SGCZ: variants seen among roughly 807,000 people sequenced by gnomAD.
The protein encoded by SGCZ is sarcoglycan zeta, also known as zeta-sarcoglycan.
SGCZ carries 40 observed loss-of-function variants against 41.3 expected under a neutral mutation model. The observed-to-expected ratio is 0.97, with a 90% CI of 0.75 to 1.26. The LOEUF is 1.26. Among genes scored for constraint, SGCZ ranks in the 50% most tolerant of loss-of-function variants. The probability of loss-of-function intolerance (pLI) is 0.00; values close to 1 mark genes in which losing one functional copy is unlikely to be tolerated. For missense variants in SGCZ, 552 were observed against 369.8 expected (o/e 1.49, Z -4.04); for synonymous variants, 206 against 137.5 (o/e 1.50, Z -3.49).
intron 2 of SGCZ, among the ~76,000 whole-genome samples, chr8:14,471,803 A>G (rs917506226): frequency 6.6e-6 from 1 of 152,132 alleles, no homozygotes; most frequent in Non-Finnish European, 1.5e-5. Flanking sequence ...ATATCTGCCA[A>G]TAATTGCTAT....
chr8:14,975,235 G>A lies in SGCZ; in HGVS notation c.39+262350C>T, dbSNP rs1210202084. ...GCAGGAGAATCATTTGAACCCGGGAGGCAGAAGTTGCAGTGAGCCAAGATC... is the reference window on the plus strand; with the variant it reads ...GCAGGAGAATCATTTGAACCCGGGAAGCAGAAGTTGCAGTGAGCCAAGATC... On this transcript the variant is annotated intron_variant, in intron 1 of 7. Transcript: ENST00000382080. Among the ~76,000 whole-genome samples, 3 of 152,244 alleles carry A rather than the reference G, an allele frequency of 2.0e-5. No individual in the cohort carries two copies. In the East Asian group the frequency reaches 5.8e-4, roughly 29 times the overall value.
intron 1 of SGCZ, among the ~76,000 whole-genome samples, chr8:14,618,000 T>C (rs1806161284): frequency 6.6e-6 from 1 of 152,034 alleles, no homozygotes; most frequent in Non-Finnish European, 1.5e-5. Context: ...TCCAGAGACC[T>C]CTTTGAGTTT....
intron 2 of SGCZ, among the ~76,000 whole-genome samples, chr8:14,341,977 GAA>G (rs1348389394): frequency 6.6e-6 from 1 of 152,152 alleles, no homozygotes; most frequent in African/African-American, 2.4e-5. Flanking sequence ...TGGTGTTGTT[GAA>G]AAGATACCCT....
chr8:14,701,683 T>C (rs1346182569), intron 1 of SGCZ, among the ~76,000 whole-genome samples: 2 of 152,050 alleles, frequency 1.3e-5, no homozygotes, highest in African/African-American at 2.4e-5. Context: ...TCTTGTTCTG[T>C]GTCCCACTGA....
At chr8:14,191,287 GC>G (rs56882516) in intron 4 of SGCZ, among the ~76,000 whole-genome samples, 2,087 of 152,036 alleles carry the variant, frequency 0.014, 63 homozygotes, top group African/African-American at 0.048. Context: ...TCCATATGCT[GC>G]CTTTTCATTT....
intron 1 of SGCZ, among the ~76,000 whole-genome samples, chr8:15,184,630 C>A (rs1180221760): frequency 6.6e-6 from 1 of 152,088 alleles, no homozygotes; most frequent in Non-Finnish European, 1.5e-5. Context: ...CAGCAGGAAA[C>A]TGAGAGGTGA....
chr8:14,448,036 A>G (rs73188379), intron 2 of SGCZ, among the ~76,000 whole-genome samples: 1,694 of 152,278 alleles, frequency 0.011, 24 homozygotes, highest in East Asian at 0.074. Context: ...GGGTGAAAAA[A>G]TGATACAAAT....
intron 2 of SGCZ, among the ~76,000 whole-genome samples, chr8:14,472,249 G>T (rs1801233001): frequency 6.6e-6 from 1 of 151,906 alleles, no homozygotes; most frequent in East Asian, 1.9e-4. Flanking sequence ...CATGAATCTT[G>T]TTTAATATCT....
chr8:14,707,033 T>TA (rs1039417255), intron 1 of SGCZ, among the ~76,000 whole-genome samples: 1 of 151,784 alleles, frequency 6.6e-6, no homozygotes, highest in African/African-American at 2.4e-5. Context: ...ATCTTTTTTT[T>TA]AAAATTTTAT....
Position 15,177,439 on chromosome 8 carries a change from T to C in SGCZ, c.39+60146A>G, listed in dbSNP as rs17655988. 6.8e-3 allele frequency among the ~76,000 whole-genome samples: 1,037 copies of C among 152,306 alleles called. 34 individuals are homozygous for C. The East Asian group carries it at 0.097, about 14-fold the overall frequency. On this transcript the variant is annotated intron_variant, in intron 1 of 7. Transcript: ENST00000382080. ...CCAAGTATTCAGCAATTTTCCAGAATTAGTGCTATTCTATCTGTAAATGTT... is the reference window on the plus strand; with the variant it reads ...CCAAGTATTCAGCAATTTTCCAGAACTAGTGCTATTCTATCTGTAAATGTT...
chr8:14,307,960 G>C (rs573074452), intron 3 of SGCZ, among the ~76,000 whole-genome samples: 2 of 152,104 alleles, frequency 1.3e-5, no homozygotes, highest in African/African-American at 2.4e-5. Context: ...TACCTTTTAG[G>C]GGGTGAAGAC....
chr8:14,910,334 C>G (rs1156974158), intron 1 of SGCZ, among the ~76,000 whole-genome samples: 1 of 151,992 alleles, frequency 6.6e-6, no homozygotes, highest in Non-Finnish European at 1.5e-5. Context: ...TTAAACATCT[C>G]TCACAGTACC....
rs568880278 is a variant in SGCZ, at chr8:14,518,371, G to A, written c.234+36361C>T. Among the ~76,000 whole-genome samples, 11 of 152,116 alleles carry A rather than the reference G, an allele frequency of 7.2e-5. No individual in the cohort carries two copies. The East Asian group carries it at 1.4e-3, about 19-fold the overall frequency. On this transcript the variant is annotated intron_variant, in intron 2 of 7. Transcript: ENST00000382080. ...GTATGTGTGTATACATACACTACAC[G>A]TATAAAATAAATATTACACATGGAA...
At chr8:14,275,229 C>A (rs1239700610) in intron 3 of SGCZ, among the ~76,000 whole-genome samples, 2 of 152,148 alleles carry the variant, frequency 1.3e-5, no homozygotes, top group Non-Finnish European at 2.9e-5. Flanking sequence ...GAAATGTAAA[C>A]CCATAAGCCT....
At chr8:14,143,085 G>C (rs528160153) in intron 5 of SGCZ, among the ~76,000 whole-genome samples, 3 of 150,976 alleles carry the variant, frequency 2.0e-5, no homozygotes, top group East Asian at 3.9e-4. Flanking sequence ...AATTGATGCA[G>C]AATAGCATTT....
In SGCZ at chr8:14,819,692, GATAA is replaced by G; in HGVS notation, c.40-264770_40-264767del. On this transcript the variant is annotated intron_variant, in intron 1 of 7. Transcript: ENST00000382080. ...AGTAGTGGCTAAGGAACACACAACA[GATAA>G]ATAAGTAAATTAGAGCAACAAAAAT... Among the ~76,000 whole-genome samples the G allele has an allele frequency of 2.0e-5, 3 of 152,184 alleles. No homozygotes were observed. In the East Asian group the frequency reaches 5.8e-4, roughly 29 times the overall value.
At chr8:14,211,359 G>A (rs1483838053) in intron 4 of SGCZ, among the ~76,000 whole-genome samples, 13 of 152,108 alleles carry the variant, frequency 8.5e-5, no homozygotes, top group Admixed American at 6.5e-4. Context: ...GCACCCAGGC[G>A]CTACCAGTTT....
At chr8:14,482,858 C>G (rs965704496) in intron 2 of SGCZ, among the ~76,000 whole-genome samples, 3 of 151,952 alleles carry the variant, frequency 2.0e-5, no homozygotes, top group African/African-American at 7.2e-5. Flanking sequence ...ATTCTCAGGC[C>G]TTCAGACTTA....
chr8:14,831,103 T>C (rs970615926), intron 1 of SGCZ, among the ~76,000 whole-genome samples: 5 of 152,182 alleles, frequency 3.3e-5, no homozygotes, highest in African/African-American at 1.2e-4. Flanking sequence ...ATTTCTTCTG[T>C]AGCCTAATAT....
Sources: allele counts gnomAD v4.1 joint callset (sites outside exome capture counted in the v4.1 genomes callset), GRCh38; gene constraint gnomAD v4.1.1; transcripts MANE v1.5; gene names NCBI Gene and HGNC (gene_info 2026-07-23, HGNC 2026-07-21).